Variants in PXDN observed in about 807,000 individuals in gnomAD.
PXDN encodes the protein peroxidasin.
Under a neutral mutation model 140.3 loss-of-function variants are expected in PXDN, and 77 were observed. The observed-to-expected ratio is 0.55, with a 90% CI of 0.46 to 0.66. The LOEUF (loss-of-function observed/expected upper bound fraction) is 0.66. Ranked by LOEUF, PXDN falls within the 30% of genes least tolerant of loss-of-function variation. The pLI is 0.00. For synonymous variants in PXDN, 911 were observed against 857.4 expected (o/e 1.06, Z -1.09); for missense variants, 1,838 against 2,039.5 (o/e 0.90, Z 1.90).
chr2:1,714,751 A>AT lies in PXDN; in HGVS notation c.201-21618dup, dbSNP rs1684857563. Among the ~76,000 whole-genome samples the AT allele has an allele frequency of 6.6e-6, 1 of 152,090 alleles. No individual in the cohort carries two copies. The highest frequency in any genetic ancestry group is 1.5e-5 in the Non-Finnish European group (1 of 67,998). On this transcript the variant is annotated intron_variant, in intron 1 of 22. Transcript: ENST00000252804. The surrounding 1 kb of genome is among the most constrained non-coding windows in gnomAD (Gnocchi z 4.3). ...GCATGAAATATTTACTCTTCTTTTG[A>AT]TTTTTTTCAGACATTTAGAAATGCA... is the stretch of plus-strand genomic sequence containing the variant.
intron 1 of PXDN, among the ~76,000 whole-genome samples, chr2:1,708,249 T>A (rs755206793): frequency 4.6e-5 from 7 of 152,190 alleles, no homozygotes; most frequent in Non-Finnish European, 1.0e-4. Flanking sequence ...CTGCAATTAG[T>A]TAAGAGGGGG....
intron 19 of PXDN, among the ~76,000 whole-genome samples, chr2:1,642,433 T>C (rs1360791067): frequency 6.6e-6 from 1 of 152,244 alleles, no homozygotes; most frequent in Non-Finnish European, 1.5e-5. Context: ...TGTGTGTCTC[T>C]TCTTAAACTA....
chr2:1,651,655 G>A lies in PXDN; in HGVS notation c.2104+1973C>T, dbSNP rs550181185. On this transcript the variant is annotated intron_variant, in intron 16 of 22. Transcript: ENST00000252804. The surrounding 1 kb of genome is among the most constrained non-coding windows in gnomAD (Gnocchi z 4.4). The stretch of plus-strand genomic sequence containing the variant: ...GTGCCCCACCTCCAAGACTCTGCAT[G>A]TGTGGTCCCCTCAGATGCTCCAGGG... Among the ~76,000 whole-genome samples, 46 of 152,276 alleles carry A rather than the reference G, an allele frequency of 3.0e-4. 1 individual carries two copies. The highest frequency in any genetic ancestry group is 2.8e-4 in the Non-Finnish European group (19 of 68,030).
chr2:1,732,236 C>T (rs1226055446), intron 1 of PXDN, among the ~76,000 whole-genome samples: 2 of 152,204 alleles, frequency 1.3e-5, no homozygotes, highest in East Asian at 1.9e-4. Context: ...GCTGAGAACC[C>T]GGGGAGGCCA....
intron 1 of PXDN, among the ~76,000 whole-genome samples, chr2:1,720,668 T>TTTCTCTCTCTCTGCATCTCC (rs1441038640): frequency 1.4e-5 from 2 of 147,022 alleles, no homozygotes; most frequent in Non-Finnish European, 3.0e-5. Context: ...TCTGCATCTC[T>TTTCTCTCTCTCTGCATCTCC]TTCTCTCTGC....
chr2:1,740,170 G>A (rs994436539), intron 1 of PXDN, among the ~76,000 whole-genome samples: 1 of 152,224 alleles, frequency 6.6e-6, no homozygotes, highest in African/African-American at 2.4e-5. Context: ...GGAGGAGGAG[G>A]GCATGGGAAG....
rs140056124 is a variant in PXDN, at chr2:1,666,329, C to A, written c.1176G>T (p.Thr392=). ...TCTGTATGTAAAGCCCGCCAGAAGG[C>A]GTGATGTTCACCCGCGGGTCAACTG... The part of the protein sequence containing the change: ...PLPVDPRVNI[T]PSGGLYIQNV... Residue 392 remains threonine (T), a synonymous_variant, in exon 10 of 23, where the codon ACG becomes ACT. Transcript: ENST00000252804. 1.5e-3 allele frequency: 2,488 copies of A among 1,614,042 alleles called. 12 individuals carry two copies. The highest frequency in any genetic ancestry group is 1.1e-3 in the Non-Finnish European group (1,252 of 1,179,902).
At position 1,648,718 on chromosome 2, in the gene PXDN, A is replaced by G. The variant is rs1227340331; in HGVS notation, c.3062T>C (p.Ile1021Thr). 1.2e-6 allele frequency: 2 copies of G among 1,605,176 alleles called. No individual in the cohort carries two copies. Among genetic ancestry groups the G allele is most frequent in the Non-Finnish European group, 1.7e-6 (2 of 1,176,342 alleles). ...GDTIYYETRKIVGAEIQHITY... is the reference protein window; with the variant it reads ...GDTIYYETRKTVGAEIQHITY... ...GATGTGCTGGATCTCCGCACCCACGATCTTCCTGGTCTCATAGTAGATGGT... is the reference window on the plus strand; with the variant it reads ...GATGTGCTGGATCTCCGCACCCACGGTCTTCCTGGTCTCATAGTAGATGGT... Residue 1021 changes from isoleucine (I) to threonine (T), a missense_variant, in exon 17 of 23, where the codon ATC becomes ACC. Physicochemically the swap from Ile to Thr is moderately conservative, Grantham distance 89 (BLOSUM62 -1). Around this residue, in one of 5 missense-constraint regions of PXDN, gnomAD observed 850 missense variants for 894.1 expected, o/e 0.95. Coordinates refer to ENST00000252804, the MANE Select transcript of PXDN (RefSeq NM_012293.3). This position sits in a 1 kb window ranked among gnomAD's most constrained non-coding sequence, Gnocchi z 8.9.
At position 1,661,345 on chromosome 2, in the gene PXDN, A is replaced by G. The variant is rs548780515; in HGVS notation, c.1681-308T>C. Among the ~76,000 whole-genome samples, 867 of 152,274 alleles carry G rather than the reference A, an allele frequency of 5.7e-3. 11 individuals carry two copies. The highest frequency in any genetic ancestry group is 0.02 in the African/African-American group (820 of 41,564). ...ATGATGGCTCCCTTAGACACCCGCT[A>G]TGGTGGGGGGCCCTACAAAGAGACC... On this transcript the variant is annotated intron_variant, in intron 13 of 22. Transcript: ENST00000252804.
rs1453998096 is a variant in PXDN, at chr2:1,635,448, GTGT to G, written c.4277_4279del (p.Asn1426del). 6 of 1,601,242 alleles carry G rather than the reference GTGT, an allele frequency of 3.7e-6. No homozygotes were observed. The African/African-American group carries it at 4.0e-5, about 11-fold the overall frequency. ...GGTGCATGCATCTTTTTTCCACTTG[GTGT>G]TGTTGGCGTGAGATTCGCCCCCGGC... On this transcript the variant is annotated inframe_deletion, in exon 22 of 23. Coordinates refer to ENST00000252804, the MANE Select transcript of PXDN (RefSeq NM_012293.3).
In PXDN at chr2:1,727,531, C is replaced by T. The variant is rs578064324; in HGVS notation, c.200+16725G>A. On this transcript the variant is annotated intron_variant, in intron 1 of 22. Coordinates refer to ENST00000252804, the MANE Select transcript of PXDN (RefSeq NM_012293.3). ...GGGAGCACATCCGGAAAGCACAGAC[C>T]AGGACCCCAGCTCAAGGCTGGCACA... Among the ~76,000 whole-genome samples the T allele has an allele frequency of 2.6e-3, 400 of 152,330 alleles. 1 individual carries two copies. Among genetic ancestry groups the T allele is most frequent in the African/African-American group, 9.3e-3 (386 of 41,586 alleles).
chr2:1,663,816 T>C, intron 11 of PXDN, 53 bp from the exon 12 acceptor site: 1 of 1,585,600 alleles, frequency 6.3e-7, no homozygotes, highest in Non-Finnish European at 8.6e-7. Flanking sequence ...GGAGAACTCC[T>C]GCTCTCAGAC....
chr2:1,725,605 C>T (rs1685160128), intron 1 of PXDN, among the ~76,000 whole-genome samples: 1 of 152,146 alleles, frequency 6.6e-6, no homozygotes, highest in African/African-American at 2.4e-5. Context: ...AGAGCTTCTG[C>T]ATAGCAAAAC....
chr2:1,710,991 C>T (rs947414367), intron 1 of PXDN, among the ~76,000 whole-genome samples: 2 of 87,696 alleles, frequency 2.3e-5, no homozygotes, highest in African/African-American at 8.4e-5. Flanking sequence ...GCTCCACCAG[C>T]ACCCACTCCA....
At chr2:1,683,761 G>T (rs1334053582) in intron 5 of PXDN, 34 bp from the exon 6 acceptor site, 1 of 1,498,298 alleles carries the variant, frequency 6.7e-7, no homozygotes, top group South Asian at 1.2e-5. Flanking sequence ...AACCAATTTT[G>T]AAAAATATTT....
At chr2:1,666,703 A>G (rs1404280035) in intron 9 of PXDN, among the ~76,000 whole-genome samples, 32 of 152,342 alleles carry the variant, frequency 2.1e-4, no homozygotes, top group Admixed American at 2.1e-3. Context: ...GAGAAAAGTG[A>G]GCAACCATGA....
intron 1 of PXDN, among the ~76,000 whole-genome samples, chr2:1,711,195 C>A (rs1365680759): frequency 1.0e-5 from 1 of 100,254 alleles, no homozygotes; most frequent in Non-Finnish European, 2.0e-5. Context: ...CCCGCTCCAC[C>A]AGCACCCGCT....
chr2:1,725,953 A>C (rs1685171784), intron 1 of PXDN, among the ~76,000 whole-genome samples: 1 of 150,144 alleles, frequency 6.7e-6, no homozygotes, highest in African/African-American at 2.4e-5. Flanking sequence ...GATGTGGAGA[A>C]ATAGGAACAC....
At chr2:1,733,479 C>T (rs560674833) in intron 1 of PXDN, among the ~76,000 whole-genome samples, 4 of 152,214 alleles carry the variant, frequency 2.6e-5, no homozygotes, top group South Asian at 2.1e-4. Flanking sequence ...GTGCGGCTCA[C>T]GCATATAATC....
Sources: allele counts gnomAD v4.1 joint callset (sites outside exome capture counted in the v4.1 genomes callset), GRCh38; gene constraint gnomAD v4.1.1; regional missense constraint gnomAD v4.1.1; non-coding constraint Gnocchi (gnomAD v3.1); transcripts MANE v1.5; gene names NCBI Gene and HGNC (gene_info 2026-07-23, HGNC 2026-07-21).